Variants in NXPE2 observed in about 807,000 individuals in gnomAD.
The protein encoded by NXPE2 is NXPE family member 2.
Under a neutral mutation model 34.4 loss-of-function variants are expected in NXPE2, and 34 were observed. The ratio of observed to expected loss-of-function variants is 0.99; its 90% CI spans 0.75 to 1.31. The LOEUF is 1.31. Among genes scored for constraint, NXPE2 ranks in the 40% most tolerant of loss-of-function variants. The pLI is 0.00. For synonymous variants in NXPE2, 235 were observed against 231.3 expected, an observed-to-expected ratio of 1.02 and a Z score of -0.15; for missense variants, 649 against 672.5, an observed-to-expected ratio of 0.97 and a Z score of 0.39.
the NXPE2 span, among the ~76,000 whole-genome samples, chr11:114,612,036 G>A: frequency 6.6e-6 from 1 of 151,848 alleles, no homozygotes; most frequent in Non-Finnish European, 1.5e-5. Context: ...GTTACCTGGT[G>A]GATAAGAAGT....
chr11:114,616,023 G>A, the NXPE2 span, among the ~76,000 whole-genome samples: 23 of 151,256 alleles, frequency 1.5e-4, no homozygotes, highest in South Asian at 1.0e-3. Context: ...GTATTGCCTC[G>A]TGGGTAACCA....
At chr11:114,530,390 T>C in the NXPE2 span, 2 of 1,614,086 alleles carry the variant, frequency 1.2e-6, no homozygotes, top group Non-Finnish European at 1.7e-6. Flanking sequence ...CAAATTTGCC[T>C]TTGAAAATAA....
At chr11:114,717,637 T>C in the NXPE2 span, among the ~76,000 whole-genome samples, 15,361 of 152,260 alleles carry the variant, frequency 0.1, 2,574 homozygotes, top group African/African-American at 0.34. Flanking sequence ...ATGCCACACA[T>C]CTTTCAGGTA....
chr11:114,504,452 T>C, the NXPE2 span, among the ~76,000 whole-genome samples: 3 of 152,150 alleles, frequency 2.0e-5, no homozygotes, highest in Non-Finnish European at 4.4e-5. Flanking sequence ...GCCTTGCCTC[T>C]ATCGCTGTGG....
At chr11:114,505,479 A>T in the NXPE2 span, among the ~76,000 whole-genome samples, 25 of 152,304 alleles carry the variant, frequency 1.6e-4, no homozygotes, top group Admixed American at 1.1e-3. Flanking sequence ...CCAGAGAGAA[A>T]GGCCAGGTCA....
the NXPE2 span, among the ~76,000 whole-genome samples, chr11:114,610,445 C>T: frequency 2.0e-5 from 3 of 151,934 alleles, no homozygotes; most frequent in African/African-American, 7.2e-5. Flanking sequence ...CCACTGTTTC[C>T]CGGTGGATAA....
chr11:114,739,350 CTCT>C, the NXPE2 span, among the ~76,000 whole-genome samples: 1 of 73,824 alleles, frequency 1.4e-5, no homozygotes, highest in African/African-American at 5.4e-5. Context: ...CCCCCTTCCT[CTCT>C]CCCTCCCTCC....
chr11:114,797,909 C>T, the NXPE2 span, among the ~76,000 whole-genome samples: 12 of 152,150 alleles, frequency 7.9e-5, no homozygotes, highest in African/African-American at 2.9e-4. Flanking sequence ...AAAGTAATTG[C>T]TTCTGGGCCA....
chr11:114,487,821 T>C, the NXPE2 span, among the ~76,000 whole-genome samples: 9 of 152,270 alleles, frequency 5.9e-5, no homozygotes, highest in East Asian at 1.7e-3. Flanking sequence ...GATTTGCATA[T>C]GTTGAGCCAT....
At chr11:114,782,908 C>T in the NXPE2 span, among the ~76,000 whole-genome samples, 25 of 152,314 alleles carry the variant, frequency 1.6e-4, 1 homozygote, top group Middle Eastern at 0.01. Flanking sequence ...GCATTCTTAA[C>T]CTTTAAAAAG....
intron 3 of NXPE2, among the ~76,000 whole-genome samples, 178 bp from the exon 4 acceptor site, chr11:114,703,813 T>TA (rs1459612886): frequency 1.3e-5 from 2 of 152,134 alleles, no homozygotes; most frequent in Non-Finnish European, 1.5e-5. Context: ...TCCCTGCCAT[T>TA]AGGAGAGGAA....
the NXPE2 span, among the ~76,000 whole-genome samples, chr11:114,651,180 G>A: frequency 6.6e-6 from 1 of 152,030 alleles, no homozygotes; most frequent in Non-Finnish European, 1.5e-5. Flanking sequence ...ATGAAGCCGT[G>A]GACCCTCGCG....
chr11:114,620,226 T>C, the NXPE2 span, among the ~76,000 whole-genome samples: 2 of 152,066 alleles, frequency 1.3e-5, no homozygotes, highest in African/African-American at 2.4e-5. Flanking sequence ...GGGTAACCAC[T>C]GTTATCCGTT....
chr11:114,639,198 C>T, the NXPE2 span, among the ~76,000 whole-genome samples: 1 of 151,902 alleles, frequency 6.6e-6, no homozygotes, highest in Non-Finnish European at 1.5e-5. Context: ...AGCCTCACTG[C>T]CGCCTTTCAG....
the NXPE2 span, among the ~76,000 whole-genome samples, chr11:114,603,635 C>T: frequency 6.6e-6 from 1 of 151,382 alleles, no homozygotes; most frequent in African/African-American, 2.4e-5. Context: ...TAGGTAACTC[C>T]TATTACCTGG....
At chr11:114,743,588 A>G in the NXPE2 span, among the ~76,000 whole-genome samples, 3 of 152,102 alleles carry the variant, frequency 2.0e-5, no homozygotes, top group Non-Finnish European at 4.4e-5. Flanking sequence ...AATAATGTAG[A>G]TGCTATTGCC....
chr11:114,750,381 C>A, the NXPE2 span, among the ~76,000 whole-genome samples: 1 of 152,124 alleles, frequency 6.6e-6, no homozygotes, highest in Non-Finnish European at 1.5e-5. Flanking sequence ...ATTTACTGAG[C>A]AATATATCCT....
chr11:114,719,406 G>A, the NXPE2 span, among the ~76,000 whole-genome samples: 1 of 152,214 alleles, frequency 6.6e-6, no homozygotes, highest in Non-Finnish European at 1.5e-5. Context: ...ATATGAGGAG[G>A]CAGCAGCCTA....
chr11:114,690,748 C>T (rs1951134462), intron 2 of NXPE2, among the ~76,000 whole-genome samples: 1 of 152,122 alleles, frequency 6.6e-6, no homozygotes, highest in Non-Finnish European at 1.5e-5. Flanking sequence ...GATCACTTTA[C>T]ATAATCCCTT....
Sources: allele counts gnomAD v4.1 joint callset (sites outside exome capture counted in the v4.1 genomes callset), GRCh38; gene constraint gnomAD v4.1.1; transcripts MANE v1.5; gene names NCBI Gene and HGNC (gene_info 2026-07-23, HGNC 2026-07-21).